SLC9A1: variants seen among roughly 807,000 people sequenced by gnomAD.
SLC9A1 encodes solute carrier family 9 member A1.
Under a neutral mutation model 67.9 loss-of-function variants are expected in SLC9A1, and 22 were observed. The ratio of observed to expected loss-of-function variants is 0.32; its 90% CI spans 0.23 to 0.46. The LOEUF (loss-of-function observed/expected upper bound fraction) is 0.46, where lower values mean the gene tolerates loss of function less well. Ranked by LOEUF, SLC9A1 falls within the 20% of genes least tolerant of loss-of-function variation. The probability of loss-of-function intolerance (pLI) is 1.00; values close to 1 mark genes in which losing one functional copy is unlikely to be tolerated. For synonymous variants in SLC9A1, 421 were observed against 471.8 expected, an observed-to-expected ratio of 0.89 and a Z score of 1.40; for missense variants, 686 against 1,094.8, an observed-to-expected ratio of 0.63 and a Z score of 5.27.
chr1:27,106,158 G>T lies in SLC9A1; in HGVS notation c.1283-71C>A. 1.0e-6 allele frequency: 1 copy of T among 997,720 alleles called. No individual in the cohort carries two copies. Among genetic ancestry groups the T allele is most frequent in the Non-Finnish European group, 1.5e-6 (1 of 651,750 alleles). The allele number at this position is 997,720 out of a possible 1,614,324, so 61.8% of individuals were successfully genotyped here. On this transcript the variant is annotated intron_variant, in intron 4 of 11. Coordinates refer to ENST00000263980, the MANE Select transcript of SLC9A1 (RefSeq NM_003047.5). This position sits in a 1 kb window ranked among gnomAD's most constrained non-coding sequence, Gnocchi z 4.3. ...CCAGTCCCTCCTGGATTCTGCATCA[G>T]TGATTTCTCTGTGCATCCAGGAAGT...
chr1:27,131,947 A>ATATAT (rs1553119559), intron 1 of SLC9A1, among the ~76,000 whole-genome samples: 18 of 52,122 alleles, frequency 3.5e-4, no homozygotes, highest in Non-Finnish European at 6.1e-4. Flanking sequence ...AGAAAAAAAA[A>ATATAT]ATATATATAT....
At chr1:27,144,837 C>T (rs1225532313) in intron 1 of SLC9A1, among the ~76,000 whole-genome samples, 2 of 151,964 alleles carry the variant, frequency 1.3e-5, no homozygotes, top group East Asian at 1.9e-4. Flanking sequence ...AGCAAAACCC[C>T]GTCTCTACTA....
intron 1 of SLC9A1, among the ~76,000 whole-genome samples, chr1:27,144,835 C>T (rs985281539): frequency 5.3e-5 from 8 of 151,976 alleles, no homozygotes; most frequent in African/African-American, 1.9e-4. Context: ...ATAGCAAAAC[C>T]CCGTCTCTAC....
intron 5 of SLC9A1, chr1:27,105,447 G>C (rs966491935): frequency 2.3e-6 from 1 of 441,860 alleles, no homozygotes. Flanking sequence ...TTACAGGTAT[G>C]CATCACCATG....
chr1:27,105,851 C>T, intron 5 of SLC9A1, 34 bp downstream of exon 5: 4 of 1,587,882 alleles, frequency 2.5e-6, no homozygotes, highest in Non-Finnish European at 3.5e-6. Context: ...TGAGGGTCCC[C>T]AAGGCAAGGG....
Position 27,114,776 on chromosome 1 carries a change from G to C in SLC9A1, c.353-490C>G, listed in dbSNP as rs1006063633. ...GATGGTAGTTCCCTATCACGGAGCT[G>C]TTTAAGCAGAAGGCAGACAACCAGC... On this transcript the variant is annotated intron_variant, in intron 1 of 11. Coordinates refer to ENST00000263980, the MANE Select transcript of SLC9A1 (RefSeq NM_003047.5). This position sits in a 1 kb window ranked among gnomAD's most constrained non-coding sequence, Gnocchi z 5.4. Among the ~76,000 whole-genome samples the C allele has an allele frequency of 7.2e-5, 11 of 152,182 alleles. No individual in the cohort carries two copies. Among genetic ancestry groups the C allele is most frequent in the African/African-American group, 2.4e-4 (10 of 41,436 alleles).
In SLC9A1 at chr1:27,154,103, C is replaced by T. The variant is rs756225104; in HGVS notation, c.232G>A (p.Val78Ile). 5.0e-6 allele frequency: 8 copies of T among 1,614,052 alleles called. No homozygotes were observed. Among genetic ancestry groups the T allele is most frequent in the Non-Finnish European group, 6.8e-6 (8 of 1,179,958 alleles). Residue 78 changes from valine (V) to isoleucine (I), a missense_variant, in exon 1 of 12, where the codon GTC becomes ATC. Physicochemically the swap from Val to Ile is conservative, Grantham distance 29. Coordinates refer to ENST00000263980, the MANE Select transcript of SLC9A1 (RefSeq NM_003047.5). The stretch of plus-strand genomic sequence containing the variant: ...CGCGGCTTCATGCCATGATCAGTGA[C>T]GGAATGATTAACAGGGCGGCTCTCT... ...TPESRPVNHS[V>I]TDHGMKPRKA... is the part of the protein sequence containing the mutation.
chr1:27,130,748 C>T (rs556102539), intron 1 of SLC9A1, among the ~76,000 whole-genome samples: 1 of 152,306 alleles, frequency 6.6e-6, no homozygotes, highest in East Asian at 1.9e-4. Flanking sequence ...TGAACTAGCT[C>T]AAATGACACA....
chr1:27,101,863 G>T lies in SLC9A1; in HGVS notation c.1936-37C>A, dbSNP rs77750219. ...ACAGCGTCAGGGCAGTGCGGGCCCC[G>T]GAAGGCTCTGCTCATGGAGGGGTGG... On this transcript the variant is annotated intron_variant, in intron 9 of 11. Transcript: ENST00000263980. The surrounding 1 kb of genome is among the most constrained non-coding windows in gnomAD (Gnocchi z 4.9). 2.8e-4 allele frequency: 426 copies of T among 1,541,104 alleles called. 5 individuals are homozygous for T. The African/African-American group carries it at 5.5e-3, about 20-fold the overall frequency.
intron 1 of SLC9A1, among the ~76,000 whole-genome samples, chr1:27,152,335 C>A (rs1156826180): frequency 2.6e-5 from 4 of 152,176 alleles, no homozygotes; most frequent in African/African-American, 9.7e-5. Flanking sequence ...GCCCTGAATG[C>A]CCTAATGTAA....
rs1448662497 is a variant in SLC9A1, at chr1:27,102,020, T to C, written c.1931A>G (p.Gln644Arg). The change falls in exon 9 of 12, where the codon CAG becomes CGG. Residue 644 changes from glutamine (Q) to arginine (R), a missense_variant. By Grantham distance (43) the Gln-to-Arg change is conservative. Coordinates refer to ENST00000263980, the MANE Select transcript of SLC9A1 (RefSeq NM_003047.5). ...GGCTGGGGAGCAGGCCCTCACCCGC[T>C]GCCTGGTCTTCTGCAAGTTGTTCCT... is the stretch of plus-strand genomic sequence containing the variant. ...ILRNNLQKTR[Q>R]RLRSYNRHTL... is the part of the protein sequence containing the mutation. 1 of 1,610,254 alleles carries C rather than the reference T, an allele frequency of 6.2e-7. No homozygotes were observed. The highest frequency in any genetic ancestry group is 8.5e-7 in the Non-Finnish European group (1 of 1,176,582).
chr1:27,129,467 C>T (rs766081406), intron 1 of SLC9A1, among the ~76,000 whole-genome samples: 1 of 152,170 alleles, frequency 6.6e-6, no homozygotes, highest in Non-Finnish European at 1.5e-5. Flanking sequence ...GATGAGGACA[C>T]GGCCAGCTGC....
In SLC9A1 at chr1:27,101,790, G is replaced by C. The variant is rs1256224384; in HGVS notation, c.1972C>G (p.Pro658Ala). ...ATCTGGTTCCAGGCTTCCTCGTAGG[G>C]GTCTGCCACCAGCGTGTGTCTGTTG... ...SYNRHTLVAD[P>A]YEEAWNQMLL... Residue 658 changes from proline to alanine, a missense_variant, in exon 10 of 12, where the codon CCC becomes GCC. Transcript: ENST00000263980. The surrounding 1 kb of genome is among the most constrained non-coding windows in gnomAD (Gnocchi z 4.9). The C allele has an allele frequency of 6.2e-7, 1 of 1,612,750 alleles. No homozygotes were observed. Among genetic ancestry groups the C allele is most frequent in the African/African-American group, 1.3e-5 (1 of 74,896 alleles).
At chr1:27,152,081 G>A (rs992553488) in intron 1 of SLC9A1, among the ~76,000 whole-genome samples, 4 of 152,190 alleles carry the variant, frequency 2.6e-5, no homozygotes, top group African/African-American at 7.2e-5. Flanking sequence ...GAGGTAGGAA[G>A]AGAAGCCAGG....
intron 1 of SLC9A1, among the ~76,000 whole-genome samples, chr1:27,136,730 T>C (rs1185976210): frequency 1.3e-5 from 2 of 152,078 alleles, no homozygotes; most frequent in African/African-American, 2.4e-5. Flanking sequence ...TTTCCTGCAG[T>C]TTCCCATCTG....
intron 1 of SLC9A1, among the ~76,000 whole-genome samples, chr1:27,142,331 A>G (rs1293101582): frequency 2.0e-5 from 3 of 152,254 alleles, no homozygotes; most frequent in African/African-American, 7.2e-5. Flanking sequence ...AAAACAGAGA[A>G]CTTGATCAAA....
At chr1:27,102,806 G>A (rs1474656721) in intron 6 of SLC9A1, 63 bp from the exon 7 acceptor site, 3 of 1,418,302 alleles carry the variant, frequency 2.1e-6, no homozygotes, top group Non-Finnish European at 3.0e-6. Flanking sequence ...CAAGACCTCT[G>A]ACTAGCCCCA....
intron 1 of SLC9A1, among the ~76,000 whole-genome samples, chr1:27,141,268 C>G (rs1250345473): frequency 6.6e-6 from 1 of 152,148 alleles, no homozygotes; most frequent in Non-Finnish European, 1.5e-5. Context: ...CACGGTGCTA[C>G]AAAGTAGTAG....
At chr1:27,146,027 G>C (rs751698591) in intron 1 of SLC9A1, among the ~76,000 whole-genome samples, 1 of 152,218 alleles carries the variant, frequency 6.6e-6, no homozygotes, top group Non-Finnish European at 1.5e-5. Context: ...CATCTAAAGA[G>C]ACAGTTTGGC....
Sources: allele counts gnomAD v4.1 joint callset (sites outside exome capture counted in the v4.1 genomes callset), GRCh38; gene constraint gnomAD v4.1.1; non-coding constraint Gnocchi (gnomAD v3.1); transcripts MANE v1.5; gene names NCBI Gene and HGNC (gene_info 2026-07-23, HGNC 2026-07-21).